CNTNAP4: variants seen among roughly 807,000 people sequenced by gnomAD.
CNTNAP4 encodes the protein contactin-associated protein-like 4.
Under a neutral mutation model 148.4 loss-of-function variants are expected in CNTNAP4, and 98 were observed. The observed-to-expected ratio is 0.66, with a 90% CI of 0.56 to 0.78. The LOEUF is 0.78. CNTNAP4 is among the 30% of genes least tolerant of loss of function. The probability of loss-of-function intolerance (pLI) is 0.00; values close to 1 mark genes in which losing one functional copy is unlikely to be tolerated. For missense variants in CNTNAP4, 1,935 were observed against 1,565.6 expected (o/e 1.24, Z -3.98); for synonymous variants, 730 against 565.1 (o/e 1.29, Z -4.14).
At position 76,467,448 on chromosome 16, in the gene CNTNAP4, A is replaced by G. The variant is rs2081214680; in HGVS notation, c.1580A>G (p.Asp527Gly). Residue 527 changes from aspartate (D) to glycine (G), a missense_variant, in exon 10 of 24, where the codon GAT (aspartate) becomes GGT (glycine). By Grantham distance (94) the Asp-to-Gly change is moderately conservative. Transcript: ENST00000611870. ...RLISISGKVVDLISVQQGSLG... is the reference protein window; with the variant it reads ...RLISISGKVVGLISVQQGSLG... ...ATTTCTATCAGCGGCAAAGTGGTAG[A>G]TCTGATTTCAGTTCAGCAGGGGTCC... 1.9e-6 allele frequency: 3 copies of G among 1,613,712 alleles called. No homozygotes were observed. The highest frequency in any genetic ancestry group is 1.3e-5 in the African/African-American group (1 of 74,866).
chr16:76,514,155 C>A (rs549654501), intron 15 of CNTNAP4, among the ~76,000 whole-genome samples: 1 of 152,264 alleles, frequency 6.6e-6, no homozygotes, highest in South Asian at 2.1e-4. Context: ...TTGGGAGGCT[C>A]TCTCGTCTGA....
At chr16:76,277,782 G>A in intron 1 of CNTNAP4, 35 bp downstream of exon 1, 1 of 1,297,546 alleles carries the variant, frequency 7.7e-7, no homozygotes, top group Non-Finnish European at 1.1e-6. Context: ...AACTTGCTGG[G>A]GGGCTCTCTG....
At chr16:76,526,195 C>A (rs1404300645) in intron 17 of CNTNAP4, among the ~76,000 whole-genome samples, 1 of 151,898 alleles carries the variant, frequency 6.6e-6, no homozygotes, top group African/African-American at 2.4e-5. Context: ...AAGAGAAAAC[C>A]CTGTGAACAT....
intron 4 of CNTNAP4, among the ~76,000 whole-genome samples, chr16:76,446,057 G>T (rs891177375): frequency 1.3e-5 from 2 of 148,226 alleles, no homozygotes; most frequent in African/African-American, 2.5e-5. Flanking sequence ...CTTGGTGAAT[G>T]AATTCTCTAT....
At chr16:76,290,289 G>C (rs1339791288) in intron 1 of CNTNAP4, among the ~76,000 whole-genome samples, 1 of 152,150 alleles carries the variant, frequency 6.6e-6, no homozygotes, top group East Asian at 1.9e-4. Context: ...TCTTCTCCCT[G>C]CATCTGTGAA....
chr16:76,364,132 G>A (rs2013794292), intron 3 of CNTNAP4, among the ~76,000 whole-genome samples: 1 of 149,478 alleles, frequency 6.7e-6, no homozygotes, highest in African/African-American at 2.5e-5. Context: ...AGCTACTCTG[G>A]AGGTTGAGGC....
chr16:76,368,991 T>G (rs2014480441), intron 3 of CNTNAP4, among the ~76,000 whole-genome samples: 2 of 151,874 alleles, frequency 1.3e-5, no homozygotes, highest in South Asian at 2.1e-4. Context: ...AGTATGAAAC[T>G]TTCTAAAAAA....
chr16:76,482,339 T>G (rs2081864530), intron 12 of CNTNAP4, among the ~76,000 whole-genome samples: 1 of 152,036 alleles, frequency 6.6e-6, no homozygotes, highest in Non-Finnish European at 1.5e-5. Flanking sequence ...CGACACAGTT[T>G]TTGCCCTGAG....
At chr16:76,417,131 A>G (rs2079015838) in intron 3 of CNTNAP4, among the ~76,000 whole-genome samples, 1 of 151,424 alleles carries the variant, frequency 6.6e-6, no homozygotes, top group Admixed American at 6.6e-5. Flanking sequence ...TGTAGACAAC[A>G]TAGCTGGGCC....
chr16:76,320,087 C>T (rs758837084), intron 2 of CNTNAP4, among the ~76,000 whole-genome samples: 3 of 152,098 alleles, frequency 2.0e-5, no homozygotes, highest in African/African-American at 7.2e-5. Flanking sequence ...CTTGAAAAGA[C>T]CGTTGGTGTA....
intron 3 of CNTNAP4, among the ~76,000 whole-genome samples, chr16:76,386,509 A>C (rs1443976374): frequency 6.6e-6 from 1 of 152,188 alleles, no homozygotes; most frequent in African/African-American, 2.4e-5. Flanking sequence ...AGACTTTCCC[A>C]GATTTATTTA....
intron 8 of CNTNAP4, among the ~76,000 whole-genome samples, chr16:76,459,955 A>C (rs561171545): frequency 6.6e-6 from 1 of 152,348 alleles, no homozygotes; most frequent in African/African-American, 2.4e-5. Flanking sequence ...AGAGGTGATA[A>C]GAATACCTCG....
chr16:76,422,259 A>C (rs924091148), intron 3 of CNTNAP4, among the ~76,000 whole-genome samples: 2 of 152,130 alleles, frequency 1.3e-5, no homozygotes, highest in Non-Finnish European at 2.9e-5. Context: ...AGTTCATTTT[A>C]CTTCTAGATA....
At chr16:76,337,417 A>T (rs1964111419) in intron 2 of CNTNAP4, among the ~76,000 whole-genome samples, 1 of 152,190 alleles carries the variant, frequency 6.6e-6, no homozygotes, top group South Asian at 2.1e-4. Flanking sequence ...AGGTTCTGTG[A>T]TGCCTACCTG....
intron 1 of CNTNAP4, among the ~76,000 whole-genome samples, chr16:76,312,585 G>A (rs1961247454): frequency 6.6e-6 from 1 of 152,132 alleles, no homozygotes; most frequent in Non-Finnish European, 1.5e-5. Context: ...TAAAAAAATA[G>A]CATGGCAAAC....
chr16:76,458,462 A>G (rs529427667), intron 8 of CNTNAP4, among the ~76,000 whole-genome samples: 56 of 152,212 alleles, frequency 3.7e-4, no homozygotes, highest in African/African-American at 1.3e-3. Flanking sequence ...ATAATGTGGA[A>G]TCAGTGGGAG....
intron 4 of CNTNAP4, among the ~76,000 whole-genome samples, chr16:76,438,864 C>T (rs1000946050): frequency 2.0e-5 from 3 of 152,158 alleles, no homozygotes; most frequent in African/African-American, 4.8e-5. Flanking sequence ...GTTCAAAACT[C>T]TCCTGTAACC....
chr16:76,351,228 T>G (rs1253441401), intron 2 of CNTNAP4, among the ~76,000 whole-genome samples: 2 of 152,218 alleles, frequency 1.3e-5, no homozygotes, highest in African/African-American at 4.8e-5. Context: ...TCACTTTCTC[T>G]GTTAACAAAG....
intron 21 of CNTNAP4, among the ~76,000 whole-genome samples, chr16:76,542,471 C>T (rs1190625044): frequency 1.3e-5 from 2 of 152,146 alleles, no homozygotes; most frequent in Non-Finnish European, 2.9e-5. Context: ...AACAAAGCCT[C>T]AACTGTTTTA....
Sources: allele counts gnomAD v4.1 joint callset (sites outside exome capture counted in the v4.1 genomes callset), GRCh38; gene constraint gnomAD v4.1.1; transcripts MANE v1.5; gene names NCBI Gene and HGNC (gene_info 2026-07-23, HGNC 2026-07-21).